Variants in NAALADL2 observed in about 807,000 individuals in gnomAD.
The protein encoded by NAALADL2 is inactive N-acetylated-alpha-linked acidic dipeptidase-like protein 2.
A neutral mutation model predicts 87.2 loss-of-function variants in NAALADL2; 76 were observed. That is an observed-to-expected ratio of 0.87 (90% CI 0.72 to 1.05). The LOEUF (loss-of-function observed/expected upper bound fraction) is 1.05, where lower values mean the gene tolerates loss of function less well. Among genes scored for constraint, NAALADL2 ranks in the 50% least tolerant of loss-of-function variants. The probability of loss-of-function intolerance (pLI) is 0.00; values close to 1 mark genes in which losing one functional copy is unlikely to be tolerated. For synonymous variants in NAALADL2, 354 were observed against 331.0 expected (o/e 1.07, Z -0.75); for missense variants, 1,089 against 945.8 (o/e 1.15, Z -1.99).
Position 174,698,821 on chromosome 3 carries a change from G to A in NAALADL2, c.-114-38820G>A, listed in dbSNP as rs931105944. Among the ~76,000 whole-genome samples the A allele has an allele frequency of 1.5e-4, 15 of 97,000 alleles. 1 individual carries two copies. Among genetic ancestry groups the A allele is most frequent in the Non-Finnish European group, 2.3e-4 (13 of 57,490 alleles). 63.6% of individuals were successfully genotyped at this position (97,000 alleles called of 152,430 possible). ...GGAGCTTGCAGTGAGCCGAGATCCC[G>A]CCACTGCACTCCAGCCTGGGTGACA... On this transcript the variant is annotated intron_variant, in intron 2 of 3. Transcript: ENST00000434257.
At chr3:174,768,595 A>G (rs480445) in intron 3 of NAALADL2, among the ~76,000 whole-genome samples, 80,004 of 151,918 alleles carry the variant, frequency 0.53, 21,475 homozygotes, top group Middle Eastern at 0.64. Flanking sequence ...GTTTTAAAAA[A>G]TAATCCCTTT....
intron 9 of NAALADL2, among the ~76,000 whole-genome samples, chr3:175,549,024 T>A (rs2149486421): frequency 6.6e-6 from 1 of 152,184 alleles, no homozygotes; most frequent in Non-Finnish European, 1.5e-5. Flanking sequence ...TGTCTTGCAA[T>A]CTAAGAAATT....
rs371910612 is a variant in NAALADL2, at chr3:174,927,299, C to T, written c.43+67849C>T. Among the ~76,000 whole-genome samples the T allele has an allele frequency of 4.6e-4, 70 of 152,206 alleles. No homozygotes were observed. In the East Asian group the frequency reaches 7.5e-3, roughly 16 times the overall value. ...CCACTGTCAACATTAGACAGATCAA[C>T]GGGACAGAAAGTTAATAAGGATATC... On this transcript the variant is annotated intron_variant, in intron 1 of 13. Coordinates refer to ENST00000454872, the MANE Select transcript of NAALADL2 (RefSeq NM_207015.3).
chr3:175,106,592 T>C (rs1723197128), intron 2 of NAALADL2, among the ~76,000 whole-genome samples: 1 of 152,112 alleles, frequency 6.6e-6, no homozygotes, highest in Admixed American at 6.6e-5. Flanking sequence ...GTGGATTCAT[T>C]TGACTTCCTG....
chr3:175,144,559 A>T (rs1730489512), intron 2 of NAALADL2, among the ~76,000 whole-genome samples: 1 of 151,978 alleles, frequency 6.6e-6, no homozygotes, highest in South Asian at 2.1e-4. Context: ...CAATCCAGAG[A>T]TGGCCACTTT....
intron 2 of NAALADL2, among the ~76,000 whole-genome samples, chr3:175,133,107 C>T (rs113540426): frequency 0.096 from 14,327 of 149,354 alleles, 922 homozygotes; most frequent in Non-Finnish European, 0.14. Context: ...GAGGCGCTCC[C>T]CACATCTCAG....
intron 1 of NAALADL2, among the ~76,000 whole-genome samples, chr3:174,509,400 C>CT (rs1560021809): frequency 1.3e-5 from 1 of 77,310 alleles, no homozygotes; most frequent in Non-Finnish European, 3.1e-5. Context: ...CTCTTCCTTT[C>CT]TTTCTTTTTT....
chr3:175,014,381 T>A (rs1264193008), intron 1 of NAALADL2, among the ~76,000 whole-genome samples: 1 of 152,172 alleles, frequency 6.6e-6, no homozygotes, highest in African/African-American at 2.4e-5. Flanking sequence ...TAATCATTTT[T>A]AACATAATTT....
At chr3:174,682,912 C>A (rs1578532176) in intron 2 of NAALADL2, among the ~76,000 whole-genome samples, 1 of 152,174 alleles carries the variant, frequency 6.6e-6, no homozygotes. Flanking sequence ...ACCCAAAAAA[C>A]TATTTAAGGC....
intron 2 of NAALADL2, among the ~76,000 whole-genome samples, chr3:175,210,294 G>T (rs1163702030): frequency 2.6e-5 from 4 of 151,714 alleles, no homozygotes; most frequent in Admixed American, 2.6e-4. Flanking sequence ...TTTGCAATTA[G>T]TTAAGATAAT....
intron 3 of NAALADL2, among the ~76,000 whole-genome samples, chr3:174,844,377 T>C (rs758384561): frequency 1.2e-4 from 18 of 152,188 alleles, no homozygotes; most frequent in Non-Finnish European, 2.4e-4. Context: ...AGTGCCATGA[T>C]GTTTAGGTTA....
At chr3:174,808,270 C>G (rs1336796203) in intron 3 of NAALADL2, among the ~76,000 whole-genome samples, 3 of 151,950 alleles carry the variant, frequency 2.0e-5, no homozygotes, top group African/African-American at 7.2e-5. Flanking sequence ...AGTCTAAAAA[C>G]ATATTTAAAC....
intron 5 of NAALADL2, among the ~76,000 whole-genome samples, chr3:175,359,425 G>T (rs1478101872): frequency 1.3e-5 from 2 of 152,026 alleles, no homozygotes; most frequent in East Asian, 3.9e-4. Context: ...CCACTCCTTT[G>T]TGTTAAGTGC....
In NAALADL2 at chr3:175,585,793, G is replaced by A. The variant is rs563869467; in HGVS notation, c.1800+9606G>A. 7.9e-5 allele frequency among the ~76,000 whole-genome samples: 12 copies of A among 151,908 alleles called. 1 individual carries two copies. The East Asian group carries it at 1.2e-3, about 15-fold the overall frequency. The stretch of plus-strand genomic sequence containing the variant: ...TCTCTTCATTCCTTGGTAATTGTCC[G>A]TGTAATGTAAAGGTGAGTTGCTTTT... On this transcript the variant is annotated intron_variant, in intron 10 of 13. Coordinates refer to ENST00000454872, the MANE Select transcript of NAALADL2 (RefSeq NM_207015.3).
chr3:174,875,097 A>C (rs566205966), intron 1 of NAALADL2, among the ~76,000 whole-genome samples: 1 of 145,066 alleles, frequency 6.9e-6, no homozygotes, highest in Admixed American at 6.8e-5. Flanking sequence ...TGGGTGACAA[A>C]ATGAGACCCT....
intron 4 of NAALADL2, among the ~76,000 whole-genome samples, chr3:175,322,836 C>G (rs1760093000): frequency 6.7e-6 from 1 of 148,596 alleles, no homozygotes; most frequent in South Asian, 2.1e-4. Flanking sequence ...AGTCAGGAAA[C>G]AACAGGTGCT....
intron 2 of NAALADL2, among the ~76,000 whole-genome samples, chr3:174,671,302 C>A (rs1005974743): frequency 5.9e-5 from 9 of 152,040 alleles, no homozygotes; most frequent in Non-Finnish European, 1.2e-4. Context: ...CAAGGAAGTT[C>A]TATAACTTAT....
intron 1 of NAALADL2, among the ~76,000 whole-genome samples, chr3:175,013,204 ATATAATATATATT>A: frequency 9.3e-6 from 1 of 107,280 alleles, no homozygotes; most frequent in Non-Finnish European, 1.8e-5. Context: ...ATACATAAAT[ATATAATATATATT>A]TATATATAAA....
intron 2 of NAALADL2, among the ~76,000 whole-genome samples, chr3:175,142,998 T>A (rs1483716982): frequency 6.6e-6 from 1 of 152,030 alleles, no homozygotes; most frequent in Non-Finnish European, 1.5e-5. Flanking sequence ...ATTTTATTCT[T>A]CCTTCTAGGG....
Sources: gnomAD v4.1 joint callset for allele counts (sites outside exome capture counted in the v4.1 genomes callset) on GRCh38, gnomAD v4.1.1 for gene constraint, MANE v1.5 for transcripts, NCBI Gene and HGNC (gene_info 2026-07-23, HGNC 2026-07-21) for gene names.